Variants in CCSER1 observed in about 807,000 individuals in gnomAD.
The protein encoded by CCSER1 is coiled-coil serine rich protein 1.
A neutral mutation model predicts 82.0 loss-of-function variants in CCSER1; 41 were observed. The observed-to-expected ratio is 0.50, with a 90% confidence interval of 0.39 to 0.65. The LOEUF is 0.65. CCSER1 is among the 30% of genes least tolerant of loss of function. The pLI, the probability that CCSER1 is intolerant of heterozygous loss-of-function variation, is 0.00. For missense variants in CCSER1, 1,119 were observed against 1,064.2 expected (o/e 1.05, Z -0.72); for synonymous variants, 414 against 383.9 (o/e 1.08, Z -0.92).
chr4:90,919,963 A>G (rs1204174566), intron 8 of CCSER1, among the ~76,000 whole-genome samples: 1 of 151,978 alleles, frequency 6.6e-6, no homozygotes, highest in Non-Finnish European at 1.5e-5. Flanking sequence ...AAGGAAACTT[A>G]AAGACAATTA....
In CCSER1 at chr4:91,601,618, A is replaced by ATGAT. The variant is rs1239323188; in HGVS notation, c.*2563_*2566dup. 1 of 152,046 alleles carries ATGAT rather than the reference A, an allele frequency of 6.6e-6. No individual in the cohort carries two copies. Among genetic ancestry groups the ATGAT allele is most frequent in the Non-Finnish European group, 1.5e-5 (1 of 67,948 alleles). The allele number at this position is 152,046 out of a possible 1,614,324, so 9.4% of individuals were successfully genotyped here. A position where few individuals can be genotyped will look rare whatever the true frequency, so the allele number is the denominator to read the frequency against. On this transcript the variant is annotated 3_prime_UTR_variant, in exon 11 of 11. Coordinates refer to ENST00000509176, the MANE Select transcript of CCSER1 (RefSeq NM_001145065.2). ...TTCTAAGACAGTTCCATGTATAAAA[A>ATGAT]TGATTTATGCATTTCTCCAAGGCGG...
chr4:90,667,346 CTAT>C lies in CCSER1; in HGVS notation c.1932+39127_1932+39129del, dbSNP rs201128978. ...ATGGCTCATTGTTAAGTGTTAGCTA[CTAT>C]TATTATTATTATACTTTAAGTTCTG... On this transcript the variant is annotated intron_variant, in intron 6 of 10. Coordinates refer to ENST00000509176, the MANE Select transcript of CCSER1 (RefSeq NM_001145065.2). Among the ~76,000 whole-genome samples the C allele has an allele frequency of 4.9e-4, 74 of 151,904 alleles. 1 individual carries two copies. The East Asian group carries it at 0.013, about 27-fold the overall frequency.
At chr4:90,262,021 T>C (rs2153448982) in intron 1 of CCSER1, among the ~76,000 whole-genome samples, 2 of 152,240 alleles carry the variant, frequency 1.3e-5, no homozygotes, top group South Asian at 2.1e-4. Flanking sequence ...TAAATTTATT[T>C]TTGTTGATTT....
At chr4:91,099,830 C>G (rs969583785) in intron 10 of CCSER1, among the ~76,000 whole-genome samples, 1 of 152,086 alleles carries the variant, frequency 6.6e-6, no homozygotes, top group African/African-American at 2.4e-5. Context: ...AGTGGCTGCT[C>G]TTAGAGACAA....
intron 8 of CCSER1, among the ~76,000 whole-genome samples, chr4:90,850,916 C>T (rs1763802229): frequency 6.6e-6 from 1 of 152,134 alleles, no homozygotes; most frequent in Non-Finnish European, 1.5e-5. Flanking sequence ...CAAATCTCAC[C>T]TTGAATTGTC....
intron 7 of CCSER1, among the ~76,000 whole-genome samples, chr4:90,736,332 G>A (rs1345511947): frequency 1.3e-5 from 2 of 151,982 alleles, no homozygotes; most frequent in African/African-American, 4.8e-5. Flanking sequence ...TATTGTATTG[G>A]AGTCAATCTC....
Position 91,301,669 on chromosome 4 carries a change from T to C in CCSER1, c.2217+215675T>C, listed in dbSNP as rs558305894. On this transcript the variant is annotated intron_variant, in intron 10 of 10. Transcript: ENST00000509176. ...CCTATGTCCTTTAATGGCAGTTATC[T>C]TCACTTTTCGGGTTGCTACTTTTTA... is the stretch of plus-strand genomic sequence containing the variant. Among the ~76,000 whole-genome samples the C allele has an allele frequency of 5.9e-5, 9 of 151,996 alleles. 1 individual carries two copies. In the South Asian group the frequency reaches 1.9e-3, roughly 31 times the overall value.
intron 10 of CCSER1, among the ~76,000 whole-genome samples, chr4:91,410,851 A>G (rs1335033115): frequency 6.6e-6 from 1 of 152,136 alleles, no homozygotes; most frequent in South Asian, 2.1e-4. Context: ...GATTTATGAT[A>G]ATGTTTAATC....
intron 5 of CCSER1, among the ~76,000 whole-genome samples, chr4:90,589,352 T>G (rs1405199471): frequency 6.6e-6 from 1 of 152,046 alleles, no homozygotes; most frequent in Admixed American, 6.6e-5. Flanking sequence ...AATTTTTTTG[T>G]TTTTTAATTT....
At chr4:91,559,303 C>T (rs1366146993) in intron 10 of CCSER1, among the ~76,000 whole-genome samples, 1 of 151,486 alleles carries the variant, frequency 6.6e-6, no homozygotes, top group African/African-American at 2.4e-5. Flanking sequence ...TCATGCTGGT[C>T]CACTATGAGC....
intron 9 of CCSER1, among the ~76,000 whole-genome samples, chr4:90,949,156 T>C (rs1732611549): frequency 6.6e-6 from 1 of 152,056 alleles, no homozygotes; most frequent in Non-Finnish European, 1.5e-5. Context: ...ACTTGGTGCT[T>C]TTTGATATGT....
intron 5 of CCSER1, among the ~76,000 whole-genome samples, chr4:90,535,500 G>T (rs979835109): frequency 2.0e-5 from 3 of 152,098 alleles, no homozygotes; most frequent in Non-Finnish European, 4.4e-5. Context: ...GATTTAAAGA[G>T]AATTTTTTTA....
chr4:90,291,417 C>G (rs529924759), intron 1 of CCSER1, among the ~76,000 whole-genome samples: 49 of 152,126 alleles, frequency 3.2e-4, no homozygotes, highest in African/African-American at 1.1e-3. Flanking sequence ...CCACTCAAGT[C>G]GGTCACATCA....
At chr4:90,416,484 T>C (rs1232909163) in intron 4 of CCSER1, among the ~76,000 whole-genome samples, 4 of 152,174 alleles carry the variant, frequency 2.6e-5, no homozygotes, top group African/African-American at 9.6e-5. Context: ...AGTTTCCTCA[T>C]TTGTAAAATG....
In CCSER1 at chr4:91,202,348, C is replaced by T. The variant is rs557816490; in HGVS notation, c.2217+116354C>T. ...AAAAGGGAAGTTAAACACGTCCTTTCCACCTCCCTCTTTTAGTCCACGTCT... is the reference window on the plus strand; with the variant it reads ...AAAAGGGAAGTTAAACACGTCCTTTTCACCTCCCTCTTTTAGTCCACGTCT... On this transcript the variant is annotated intron_variant, in intron 10 of 10. Coordinates refer to ENST00000509176, the MANE Select transcript of CCSER1 (RefSeq NM_001145065.2). Among the ~76,000 whole-genome samples, 4 of 152,132 alleles carry T rather than the reference C, an allele frequency of 2.6e-5. No homozygotes were observed. In the South Asian group the frequency reaches 6.2e-4, roughly 24 times the overall value.
chr4:91,361,448 A>G (rs999946616), intron 10 of CCSER1, among the ~76,000 whole-genome samples: 5 of 151,832 alleles, frequency 3.3e-5, no homozygotes, highest in Admixed American at 6.6e-5. Context: ...GAAGTAGGAG[A>G]TGATTAGAGT....
intron 4 of CCSER1, among the ~76,000 whole-genome samples, chr4:90,416,788 T>C (rs1755867147): frequency 6.6e-6 from 1 of 152,218 alleles, no homozygotes; most frequent in South Asian, 2.1e-4. Context: ...TTACTAGTAC[T>C]AAATATTCAA....
Position 90,576,539 on chromosome 4 carries a change from C to A in CCSER1, c.1725-51486C>A, listed in dbSNP as rs528762074. Among the ~76,000 whole-genome samples the A allele has an allele frequency of 1.2e-3, 182 of 152,242 alleles. 1 individual carries two copies. Among genetic ancestry groups the A allele is most frequent in the Non-Finnish European group, 2.1e-3 (140 of 68,002 alleles). ...CTACTTATTTATCCCTCCCTCCACT[C>A]ACCCCCTAACAACCACTGATGCTTT... On this transcript the variant is annotated intron_variant, in intron 5 of 10. Coordinates refer to ENST00000509176, the MANE Select transcript of CCSER1 (RefSeq NM_001145065.2).
chr4:90,135,295 T>A (rs992303945), intron 1 of CCSER1, among the ~76,000 whole-genome samples: 1 of 152,088 alleles, frequency 6.6e-6, no homozygotes, highest in Non-Finnish European at 1.5e-5. Flanking sequence ...TCTTGATAAA[T>A]TACCCAATCT....
Sources: gnomAD v4.1 joint callset for allele counts (sites outside exome capture counted in the v4.1 genomes callset) on GRCh38, gnomAD v4.1.1 for gene constraint, MANE v1.5 for transcripts, NCBI Gene and HGNC (gene_info 2026-07-23, HGNC 2026-07-21) for gene names.